The following XKR6 variants were observed in gnomAD, a reference collection of about 807,000 sequenced individuals.
XKR6 encodes XK related 6.
In XKR6, 22 loss-of-function variants were observed where a neutral mutation model predicts 56.7. The ratio of observed to expected loss-of-function variants is 0.39; its 90% CI spans 0.28 to 0.55. The LOEUF is 0.55. Among genes scored for constraint, XKR6 ranks in the 20% least tolerant of loss-of-function variants. XKR6 has a pLI of 0.66. For synonymous variants in XKR6, 524 were observed against 387.8 expected (o/e 1.35, Z -4.13); for missense variants, 852 against 889.0 (o/e 0.96, Z 0.53).
intron 1 of XKR6, chr8:11,104,701 CATTT>C (rs1274488104): frequency 2.0e-5 from 3 of 152,146 alleles, no homozygotes; most frequent in East Asian, 3.8e-4. Context: ...CAATTTTGGT[CATTT>C]ATTAGTGTTC....
intron 1 of XKR6, among the ~76,000 whole-genome samples, chr8:10,998,266 T>TAC (rs572940448): frequency 0.031 from 4,683 of 150,796 alleles, 129 homozygotes; most frequent in Non-Finnish European, 0.044. Context: ...AAGGAGTGGC[T>TAC]ACACACACAC....
chr8:10,993,196 G>A (rs762228546), intron 1 of XKR6, among the ~76,000 whole-genome samples: 30 of 152,214 alleles, frequency 2.0e-4, no homozygotes, highest in Non-Finnish European at 3.8e-4. Context: ...TTTTTGGCTG[G>A]TAGCTCTCGC....
At chr8:11,035,436 T>C (rs1799116022) in intron 1 of XKR6, 1 of 472,100 alleles carries the variant, frequency 2.1e-6, no homozygotes, top group Middle Eastern at 6.6e-4. Context: ...GCCAAATCTC[T>C]GCACCCAAAC....
At chr8:11,008,418 C>CTTT (rs35571220) in intron 1 of XKR6, among the ~76,000 whole-genome samples, 2,045 of 104,090 alleles carry the variant, frequency 0.02, 84 homozygotes, top group African/African-American at 0.044. Flanking sequence ...GCTCCCCAGG[C>CTTT]TTTTTTTTTT....
intron 1 of XKR6, among the ~76,000 whole-genome samples, chr8:11,010,303 G>A (rs571543509): frequency 1.3e-5 from 2 of 152,224 alleles, no homozygotes; most frequent in Admixed American, 6.5e-5. Flanking sequence ...TTCCAACATT[G>A]GGAATTACAA....
intron 1 of XKR6, among the ~76,000 whole-genome samples, chr8:11,064,350 T>C (rs954307357): frequency 6.6e-6 from 1 of 152,162 alleles, no homozygotes; most frequent in Non-Finnish European, 1.5e-5. Flanking sequence ...ACTAAAACTG[T>C]TTAACCAGCT....
intron 1 of XKR6, among the ~76,000 whole-genome samples, chr8:10,980,241 A>G (rs1041301845): frequency 1.3e-5 from 2 of 152,164 alleles, no homozygotes; most frequent in African/African-American, 4.8e-5. Flanking sequence ...TGGAGTGCCC[A>G]GGAGGTCTGG....
At chr8:11,130,675 T>C (rs1192442876) in intron 1 of XKR6, among the ~76,000 whole-genome samples, 5 of 151,784 alleles carry the variant, frequency 3.3e-5, no homozygotes, top group South Asian at 4.2e-4. Flanking sequence ...ACTCAGGAGC[T>C]GGTATCTCCT....
chr8:10,960,362 G>T (rs1365718540), intron 1 of XKR6, among the ~76,000 whole-genome samples: 2 of 152,186 alleles, frequency 1.3e-5, no homozygotes, highest in Non-Finnish European at 2.9e-5. Context: ...TAAATATCAG[G>T]CACGGTCATA....
At position 10,897,917 on chromosome 8, in the gene XKR6, C is replaced by T. The variant is rs1799930458; in HGVS notation, c.*35G>A. 1 of 1,524,544 alleles carries T rather than the reference C, an allele frequency of 6.6e-7. No individual in the cohort carries two copies. The highest frequency in any genetic ancestry group is 8.8e-7 in the Non-Finnish European group (1 of 1,136,774). 94.4% of individuals were successfully genotyped at this position (1,524,544 alleles called of 1,614,324 possible). A position where few individuals can be genotyped will look rare whatever the true frequency, so the allele number is the denominator to read the frequency against. ...CAAGTGCTGTTTGCCGCAAACCAAA[C>T]TTAAGGTCCCCTTCTCAACTTGGTC... On this transcript the variant is annotated 3_prime_UTR_variant, in exon 3 of 3. Coordinates refer to ENST00000416569, the MANE Select transcript of XKR6 (RefSeq NM_173683.4).
At chr8:10,949,399 A>T (rs1469386118) in intron 1 of XKR6, among the ~76,000 whole-genome samples, 1 of 152,156 alleles carries the variant, frequency 6.6e-6, no homozygotes, top group Non-Finnish European at 1.5e-5. Flanking sequence ...GAGGCAGGCA[A>T]GCCCCTTAAA....
chr8:11,098,537 CTT>C (rs1404766983), intron 1 of XKR6, among the ~76,000 whole-genome samples: 4 of 152,130 alleles, frequency 2.6e-5, no homozygotes, highest in African/African-American at 9.7e-5. Flanking sequence ...GACAGGAACT[CTT>C]GTCTCATCAG....
intron 1 of XKR6, among the ~76,000 whole-genome samples, chr8:11,199,094 C>G (rs1300844358): frequency 6.6e-6 from 1 of 152,146 alleles, no homozygotes; most frequent in Non-Finnish European, 1.5e-5. Context: ...CTATTTTATT[C>G]TCTCACTTCT....
chr8:11,165,213 C>T (rs1802012138), intron 1 of XKR6, among the ~76,000 whole-genome samples: 2 of 149,250 alleles, frequency 1.3e-5, no homozygotes, highest in Admixed American at 1.4e-4. Context: ...GATTCTCCTG[C>T]CTCAGCCTCC....
intron 1 of XKR6, among the ~76,000 whole-genome samples, chr8:10,978,644 T>C (rs1383206057): frequency 1.3e-5 from 2 of 152,238 alleles, no homozygotes; most frequent in Non-Finnish European, 2.9e-5. Context: ...TTAACATAGA[T>C]GGAAATGAGC....
At chr8:11,022,364 A>C (rs530589073) in intron 1 of XKR6, among the ~76,000 whole-genome samples, 80 of 152,224 alleles carry the variant, frequency 5.3e-4, no homozygotes, top group Admixed American at 9.8e-4. Flanking sequence ...ATGTGGACAC[A>C]GGTACTTATG....
chr8:11,007,595 G>A (rs1406158565), intron 1 of XKR6, among the ~76,000 whole-genome samples: 1 of 152,146 alleles, frequency 6.6e-6, no homozygotes, highest in Non-Finnish European at 1.5e-5. Context: ...CTGACCCACA[G>A]AGGAAGGCAG....
At chr8:11,143,335 C>T (rs77848037) in intron 1 of XKR6, among the ~76,000 whole-genome samples, 4 of 152,150 alleles carry the variant, frequency 2.6e-5, no homozygotes, top group Admixed American at 2.0e-4. Flanking sequence ...AAGACCAAGT[C>T]CCTTCTTTAA....
chr8:10,987,321 G>C (rs1797883953), intron 1 of XKR6, among the ~76,000 whole-genome samples: 1 of 152,132 alleles, frequency 6.6e-6, no homozygotes, highest in African/African-American at 2.4e-5. Flanking sequence ...CCTCTCAATA[G>C]TCCACTGGAT....
Sources: gnomAD v4.1 joint callset for allele counts (sites outside exome capture counted in the v4.1 genomes callset) on GRCh38, gnomAD v4.1.1 for gene constraint, MANE v1.5 for transcripts, NCBI Gene and HGNC (gene_info 2026-07-23, HGNC 2026-07-21) for gene names.